Variants in DSE observed in about 807,000 individuals in gnomAD.
The protein encoded by DSE is dermatan-sulfate epimerase.
In DSE, 36 loss-of-function variants were observed where a neutral mutation model predicts 84.4. That is an observed-to-expected ratio of 0.43 (90% confidence interval 0.33 to 0.56). DSE has a LOEUF of 0.56. Ranked by LOEUF, DSE falls within the 20% of genes least tolerant of loss-of-function variation. DSE has a pLI of 0.06. For synonymous variants in DSE, 410 were observed against 430.1 expected (o/e 0.95, Z 0.58); for missense variants, 862 against 1,169.6 (o/e 0.74, Z 3.84).
chr6:116,418,056 A>G (rs1782831228), intron 2 of DSE, among the ~76,000 whole-genome samples: 1 of 152,156 alleles, frequency 6.6e-6, no homozygotes, highest in African/African-American at 2.4e-5. Flanking sequence ...AGGGTAGTCA[A>G]TGTACATGTG....
At chr6:116,345,379 C>T (rs1021783097) in intron 2 of DSE, among the ~76,000 whole-genome samples, 12 of 152,266 alleles carry the variant, frequency 7.9e-5, no homozygotes, top group African/African-American at 2.4e-4. Flanking sequence ...TAAAGCACTC[C>T]TCAGCAAATG....
At chr6:116,423,321 G>A (rs539831328) in intron 2 of DSE, among the ~76,000 whole-genome samples, 24 of 152,266 alleles carry the variant, frequency 1.6e-4, no homozygotes, top group African/African-American at 5.5e-4. Flanking sequence ...GAGATTTGTA[G>A]AAGATTAGGG....
Position 116,439,120 on chromosome 6 carries a change from T to C in DSE, c.*1775T>C, listed in dbSNP as rs1363568844. On this transcript the variant is annotated 3_prime_UTR_variant, in exon 6 of 6. Transcript: ENST00000644252. ...TTAACCTCACTCAACATTCCTCTCT[T>C]TTACTCTTTCTCACTCAAAAGGATG... is the stretch of plus-strand genomic sequence containing the variant. 1 of 152,176 alleles carries C rather than the reference T, an allele frequency of 6.6e-6. No individual in the cohort carries two copies. Among genetic ancestry groups the C allele is most frequent in the African/African-American group, 2.4e-5 (1 of 41,440 alleles). The allele number at this position is 152,176 out of a possible 1,614,324, so 9.4% of individuals were successfully genotyped here. A position where few individuals can be genotyped will look rare whatever the true frequency, so the allele number is the denominator to read the frequency against.
intron 2 of DSE, among the ~76,000 whole-genome samples, chr6:116,415,546 C>CT (rs11382623): frequency 0.19 from 26,670 of 138,066 alleles, 3,498 homozygotes; most frequent in Non-Finnish European, 0.3. Flanking sequence ...TTTTTTCTTT[C>CT]TTTTTTTTTT....
intron 2 of DSE, chr6:116,276,596 A>G (rs563348468): frequency 1.3e-5 from 2 of 152,208 alleles, no homozygotes; most frequent in African/African-American, 4.8e-5. Flanking sequence ...ATCCATTAAG[A>G]ACTTTAATGA....
intron 2 of DSE, among the ~76,000 whole-genome samples, chr6:116,334,035 C>G (rs186822025): frequency 1.3e-5 from 2 of 152,194 alleles, no homozygotes; most frequent in Admixed American, 6.5e-5. Flanking sequence ...ATACTGATCT[C>G]TCTCCTAGAT....
intron 2 of DSE, 46 bp from the exon 3 acceptor site, chr6:116,426,528 C>T (rs777512513): frequency 1.3e-6 from 2 of 1,591,600 alleles, no homozygotes; most frequent in Non-Finnish European, 1.7e-6. Flanking sequence ...GTGGTGAAAG[C>T]TGTGAGTCTG....
intron 1 of DSE, among the ~76,000 whole-genome samples, chr6:116,391,809 CT>C (rs936394048): frequency 6.7e-5 from 10 of 150,066 alleles, no homozygotes; most frequent in African/African-American, 2.5e-4. Context: ...TAAGATTTTC[CT>C]TTTTGTCTGA....
chr6:116,371,258 G>C (rs576529420), intron 1 of DSE, 137 bp downstream of exon 1: 1 of 965,498 alleles, frequency 1.0e-6, no homozygotes, highest in African/African-American at 1.8e-5. Context: ...AGAGCGGAGC[G>C]CCGCGGGTTG....
chr6:116,392,742 ATTC>A (rs1285042687), intron 1 of DSE, among the ~76,000 whole-genome samples: 2 of 152,078 alleles, frequency 1.3e-5, no homozygotes, highest in African/African-American at 4.8e-5. Context: ...CTTTGTTCTG[ATTC>A]TTTACTTGTT....
At position 116,397,450 on chromosome 6, in the gene DSE, G is replaced by T. The variant is rs370041832; in HGVS notation, c.-53-1748G>T. ...TTCAACTCCTGACCTCAAGGGGCCC[G>T]CCCGCCTCCGCCTCCCAAAGTCCTG... On this transcript the variant is annotated intron_variant, in intron 1 of 5. Transcript: ENST00000644252. Among the ~76,000 whole-genome samples the T allele has an allele frequency of 6.7e-4, 102 of 151,924 alleles. No individual in the cohort carries two copies. In the South Asian group the frequency reaches 0.021, roughly 31 times the overall value.
intron 1 of DSE, among the ~76,000 whole-genome samples, chr6:116,374,403 C>T (rs941195370): frequency 2.6e-5 from 4 of 152,052 alleles, no homozygotes; most frequent in East Asian, 1.9e-4. Flanking sequence ...ATAGTGGATA[C>T]TATTATTCTG....
chr6:116,285,220 T>C (rs1386791795), intron 2 of DSE, among the ~76,000 whole-genome samples: 1 of 152,232 alleles, frequency 6.6e-6, no homozygotes, highest in Non-Finnish European at 1.5e-5. Context: ...TTCTAACTGG[T>C]ATGAGATGGT....
chr6:116,405,805 A>T (rs534709808), intron 2 of DSE, among the ~76,000 whole-genome samples: 2 of 152,318 alleles, frequency 1.3e-5, no homozygotes, highest in African/African-American at 4.8e-5. Flanking sequence ...GCAGATGAAG[A>T]GGACCCGAGG....
At chr6:116,367,135 T>C (rs1033945642), upstream of DSE, 6 of 152,266 alleles carry the variant, frequency 3.9e-5, no homozygotes, top group South Asian at 2.1e-4. Flanking sequence ...GCAAGGAAGC[T>C]TGGAGAAGCC....
chr6:116,413,233 A>G (rs1209764989), intron 2 of DSE, among the ~76,000 whole-genome samples: 2 of 152,220 alleles, frequency 1.3e-5, no homozygotes, highest in African/African-American at 4.8e-5. Context: ...TAGCCCTTGC[A>G]TTTAAATTAT....
intron 2 of DSE, among the ~76,000 whole-genome samples, chr6:116,308,824 C>T (rs932897551): frequency 1.3e-5 from 2 of 151,950 alleles, no homozygotes; most frequent in African/African-American, 4.8e-5. Context: ...ACTACAGGCG[C>T]CCACCACCAT....
chr6:116,374,239 A>G (rs1287763013), intron 1 of DSE, among the ~76,000 whole-genome samples: 2 of 152,214 alleles, frequency 1.3e-5, no homozygotes, highest in Non-Finnish European at 2.9e-5. Flanking sequence ...AACCATTAGC[A>G]TACTTGAATC....
intron 2 of DSE, among the ~76,000 whole-genome samples, chr6:116,303,531 A>G (rs1024364348): frequency 4.6e-5 from 7 of 152,162 alleles, no homozygotes; most frequent in Admixed American, 2.6e-4. Context: ...TATTTCTTCA[A>G]TGAATAAATG....
Sources: allele counts gnomAD v4.1 joint callset (sites outside exome capture counted in the v4.1 genomes callset), GRCh38; gene constraint gnomAD v4.1.1; transcripts MANE v1.5; gene names NCBI Gene and HGNC (gene_info 2026-07-23, HGNC 2026-07-21).